EPC2: variants seen among roughly 807,000 people sequenced by gnomAD.
EPC2 encodes enhancer of polycomb 2.
A neutral mutation model predicts 92.1 loss-of-function variants in EPC2; 14 were observed. The observed-to-expected ratio is 0.15, with a 90% confidence interval of 0.10 to 0.24. EPC2 has a LOEUF of 0.24. Among genes scored for constraint, EPC2 ranks in the 10% least tolerant of loss-of-function variants. EPC2 has a pLI of 1.00. For synonymous variants in EPC2, 340 were observed against 334.7 expected, an observed-to-expected ratio of 1.02 and a Z score of -0.17; for missense variants, 755 against 971.5, an observed-to-expected ratio of 0.78 and a Z score of 2.96.
chr2:148,742,743 T>G (rs1015843455), intron 2 of EPC2, among the ~76,000 whole-genome samples: 40 of 149,690 alleles, frequency 2.7e-4, no homozygotes, highest in African/African-American at 8.6e-4. Flanking sequence ...ATCGTGCCAT[T>G]GCACTATAGC....
chr2:148,756,106 T>C (rs1377730799), intron 4 of EPC2, among the ~76,000 whole-genome samples: 3 of 152,240 alleles, frequency 2.0e-5, no homozygotes, highest in Non-Finnish European at 2.9e-5. Context: ...TTCTAACCAT[T>C]AGAGAATTGC....
intron 2 of EPC2, among the ~76,000 whole-genome samples, chr2:148,724,314 G>A (rs1682445412): frequency 6.6e-6 from 1 of 151,824 alleles, no homozygotes; most frequent in African/African-American, 2.4e-5. Context: ...TTGTGATGTA[G>A]TACATATAAA....
chr2:148,725,161 T>C (rs1682468720), intron 2 of EPC2, among the ~76,000 whole-genome samples: 2 of 152,114 alleles, frequency 1.3e-5, no homozygotes, highest in Non-Finnish European at 2.9e-5. Context: ...AGAGATAGGT[T>C]CTGAGAAAGT....
At chr2:148,742,784 C>A (rs1321204594) in intron 2 of EPC2, among the ~76,000 whole-genome samples, 198 of 134,904 alleles carry the variant, frequency 1.5e-3, no homozygotes, top group Non-Finnish European at 1.7e-3. Context: ...GACCTTGCCT[C>A]AAAAAAAAAA....
chr2:148,656,155 A>G (rs917470206), intron 1 of EPC2, among the ~76,000 whole-genome samples: 5 of 152,124 alleles, frequency 3.3e-5, no homozygotes, highest in East Asian at 1.9e-4. Context: ...TTTTTAATCT[A>G]GAGTTACAAG....
intron 1 of EPC2, among the ~76,000 whole-genome samples, chr2:148,663,591 GATTTTTTT>G (rs1680991932): frequency 1.0e-5 from 1 of 97,828 alleles, no homozygotes. Context: ...TATAGATTAA[GATTTTTTT>G]TTTTTTTTTT....
At chr2:148,721,456 C>G (rs1682372106) in intron 2 of EPC2, among the ~76,000 whole-genome samples, 2 of 151,830 alleles carry the variant, frequency 1.3e-5, no homozygotes, top group Admixed American at 6.5e-5. Flanking sequence ...TCCCCTTTGG[C>G]TTCTTTCAAG....
chr2:148,785,066 C>CT (rs35861052), intron 13 of EPC2, 65 bp downstream of exon 13: 52 of 1,320,718 alleles, frequency 3.9e-5, no homozygotes, highest in Middle Eastern at 1.9e-4. Flanking sequence ...AAGAAAAAGA[C>CT]TTTTTTTTAC....
At chr2:148,696,782 A>G (rs1205848220) in intron 2 of EPC2, among the ~76,000 whole-genome samples, 1 of 152,004 alleles carries the variant, frequency 6.6e-6, no homozygotes, top group African/African-American at 2.4e-5. Context: ...ATGATGCCAC[A>G]CTCCCCTGAG....
At chr2:148,748,754 G>T (rs146115532) in intron 3 of EPC2, among the ~76,000 whole-genome samples, 14 of 152,064 alleles carry the variant, frequency 9.2e-5, no homozygotes, top group Admixed American at 8.5e-4. Context: ...CATTTTGATT[G>T]TGATCTGTCA....
intron 10 of EPC2, among the ~76,000 whole-genome samples, chr2:148,776,651 C>T (rs924566288): frequency 6.6e-6 from 1 of 152,112 alleles, no homozygotes; most frequent in African/African-American, 2.4e-5. Flanking sequence ...CCCTTTAATC[C>T]TGCCCCAGAC....
rs920849777 is a variant in EPC2, at chr2:148,743,589, C to T, written c.314-33C>T. The T allele has an allele frequency of 3.4e-6, 5 of 1,479,770 alleles. No individual in the cohort carries two copies. The African/African-American group carries it at 5.7e-5, about 17-fold the overall frequency. The allele number at this position is 1,479,770 out of a possible 1,614,324, so 91.7% of individuals were successfully genotyped here. A position where few individuals can be genotyped will look rare whatever the true frequency, so the allele number is the denominator to read the frequency against. On this transcript the variant is annotated intron_variant, in intron 2 of 13. Coordinates refer to ENST00000258484, the MANE Select transcript of EPC2 (RefSeq NM_015630.4). ...AACAATGTATAATTTCATAATTTCT[C>T]CTGAGTTTGAAGAATTTTTCTTTCT...
intron 6 of EPC2, 144 bp from the exon 7 acceptor site, chr2:148,764,811 C>G (rs1221355224): frequency 1.9e-6 from 1 of 525,144 alleles, no homozygotes; most frequent in East Asian, 3.5e-5. Flanking sequence ...AATTTATGAA[C>G]ACAGAATAAT....
intron 2 of EPC2, among the ~76,000 whole-genome samples, chr2:148,700,934 T>G (rs1000080929): frequency 6.6e-6 from 1 of 152,230 alleles, no homozygotes; most frequent in Non-Finnish European, 1.5e-5. Context: ...TGCATTTTTT[T>G]ATTTCTTTCA....
chr2:148,740,983 T>A (rs1371672626), intron 2 of EPC2, among the ~76,000 whole-genome samples: 1 of 152,164 alleles, frequency 6.6e-6, no homozygotes, highest in Non-Finnish European at 1.5e-5. Flanking sequence ...TCATTGACTT[T>A]GATGCAGATT....
intron 7 of EPC2, among the ~76,000 whole-genome samples, chr2:148,767,022 G>GA (rs947452092): frequency 2.6e-5 from 4 of 151,636 alleles, no homozygotes; most frequent in Non-Finnish European, 4.4e-5. Context: ...CATCTTTACC[G>GA]AAAAAACAGA....
At chr2:148,743,839 G>C in intron 3 of EPC2, 72 bp downstream of exon 3, 1 of 1,201,092 alleles carries the variant, frequency 8.3e-7, no homozygotes, top group Non-Finnish European at 1.1e-6. Flanking sequence ...ACCTGAGTGT[G>C]TTGCATTTTA....
chr2:148,706,885 T>C (rs1450871770), intron 2 of EPC2, among the ~76,000 whole-genome samples: 3 of 152,200 alleles, frequency 2.0e-5, no homozygotes, highest in African/African-American at 7.2e-5. Flanking sequence ...TATCAGCCAC[T>C]GCAAAAACAT....
chr2:148,700,921 C>G (rs1360535848), intron 2 of EPC2, among the ~76,000 whole-genome samples: 1 of 152,088 alleles, frequency 6.6e-6, no homozygotes, highest in African/African-American at 2.4e-5. Flanking sequence ...CATGGAATAT[C>G]TCTGCATTTT....
Sources: allele counts gnomAD v4.1 joint callset (sites outside exome capture counted in the v4.1 genomes callset), GRCh38; gene constraint gnomAD v4.1.1; transcripts MANE v1.5; gene names NCBI Gene and HGNC (gene_info 2026-07-23, HGNC 2026-07-21).